The following CDK5RAP2 variants were observed in gnomAD, a reference collection of about 807,000 sequenced individuals.
CDK5RAP2 encodes the protein CDK5 regulatory subunit-associated protein 2.
Under a neutral mutation model 232.9 loss-of-function variants are expected in CDK5RAP2, and 147 were observed. The observed-to-expected ratio is 0.63, with a 90% CI of 0.55 to 0.72. The LOEUF (loss-of-function observed/expected upper bound fraction) is 0.72. Among genes scored for constraint, CDK5RAP2 ranks in the 30% least tolerant of loss-of-function variants. The pLI is 0.00. For missense variants in CDK5RAP2, 2,195 were observed against 2,231.5 expected, an observed-to-expected ratio of 0.98 and a Z score of 0.33; for synonymous variants, 833 against 833.7, an observed-to-expected ratio of 1.00 and a Z score of 0.01.
chr9:120,423,055 G>C (rs1005421405), intron 25 of CDK5RAP2, among the ~76,000 whole-genome samples: 1 of 152,148 alleles, frequency 6.6e-6, no homozygotes, highest in African/African-American at 2.4e-5. Context: ...TACAGAAAAT[G>C]GGTAACGGAA....
At chr9:120,533,156 T>C (rs1048882459) in intron 7 of CDK5RAP2, among the ~76,000 whole-genome samples, 2 of 152,068 alleles carry the variant, frequency 1.3e-5, no homozygotes, top group African/African-American at 2.4e-5. Context: ...CTCACCTCTA[T>C]CACGGCATCA....
chr9:120,570,182 T>TGGGCA (rs2042801221), intron 2 of CDK5RAP2, among the ~76,000 whole-genome samples: 1 of 151,838 alleles, frequency 6.6e-6, no homozygotes, highest in Admixed American at 6.6e-5. Flanking sequence ...GGCTAAGGAG[T>TGGGCA]GGGCAGGGCA....
At chr9:120,410,339 T>C (rs1244910636) in intron 29 of CDK5RAP2, among the ~76,000 whole-genome samples, 3 of 152,162 alleles carry the variant, frequency 2.0e-5, no homozygotes, top group Non-Finnish European at 2.9e-5. Context: ...CCCTGGGACT[T>C]TGTCTGCTCT....
At chr9:120,427,899 A>C (rs1179120139) in intron 25 of CDK5RAP2, among the ~76,000 whole-genome samples, 1 of 152,180 alleles carries the variant, frequency 6.6e-6, no homozygotes, top group African/African-American at 2.4e-5. Flanking sequence ...AAATTATAAC[A>C]AACTGTCTCT....
chr9:120,527,045 A>G (rs1225280367), intron 10 of CDK5RAP2, among the ~76,000 whole-genome samples: 1 of 151,892 alleles, frequency 6.6e-6, no homozygotes, highest in African/African-American at 2.4e-5. Context: ...ACTTCCCTCA[A>G]TCACAACCCT....
intron 35 of CDK5RAP2, among the ~76,000 whole-genome samples, chr9:120,395,763 A>G (rs1485034976): frequency 6.8e-6 from 1 of 146,076 alleles, no homozygotes; most frequent in African/African-American, 2.4e-5. Context: ...GTGTATTAAA[A>G]GAGAGAACTG....
At chr9:120,464,845 A>C (rs1264854009) in intron 18 of CDK5RAP2, among the ~76,000 whole-genome samples, 4 of 152,330 alleles carry the variant, frequency 2.6e-5, no homozygotes, top group African/African-American at 7.2e-5. Context: ...AAATCATGTA[A>C]ATCTCATAAT....
intron 25 of CDK5RAP2, among the ~76,000 whole-genome samples, chr9:120,436,234 T>C (rs183437140): frequency 6.6e-6 from 1 of 152,304 alleles, no homozygotes; most frequent in East Asian, 1.9e-4. Context: ...CAATCTAATC[T>C]AACCAATTTA....
rs1238984978 is a variant in CDK5RAP2, at chr9:120,530,112, T to C, written c.691A>G (p.Lys231Glu). 2 of 1,613,580 alleles carry C rather than the reference T, an allele frequency of 1.2e-6. No individual in the cohort carries two copies. Among genetic ancestry groups the C allele is most frequent in the Non-Finnish European group, 1.7e-6 (2 of 1,179,652 alleles). Residue 231 changes from lysine to glutamate, a missense_variant, in exon 8 of 38, where the codon AAG becomes GAG. Coordinates refer to ENST00000349780, the MANE Select transcript of CDK5RAP2 (RefSeq NM_018249.6). Reference sequence around the variant, plus strand: ...CACTGAATTAAAGCTTCTTTGCTCTTCAAAGACAGCTTCAACTCCTCAATC... The same window carrying C: ...CACTGAATTAAAGCTTCTTTGCTCTCCAAAGACAGCTTCAACTCCTCAATC... ...RLIEELKLSL[K>E]SKEALIQCLK...
At chr9:120,508,602 T>C (rs1463986443) in intron 12 of CDK5RAP2, among the ~76,000 whole-genome samples, 1 of 152,196 alleles carries the variant, frequency 6.6e-6, no homozygotes, top group Admixed American at 6.5e-5. Flanking sequence ...CCACTCACTG[T>C]TCCCCATGAG....
At chr9:120,551,273 T>G (rs1024507804) in intron 3 of CDK5RAP2, among the ~76,000 whole-genome samples, 2 of 152,196 alleles carry the variant, frequency 1.3e-5, no homozygotes, top group Non-Finnish European at 2.9e-5. Flanking sequence ...TTAAAACCTC[T>G]ACAGTAATGA....
In CDK5RAP2 at chr9:120,443,595, A is replaced by G. The variant is rs1371609813; in HGVS notation, c.3148+25T>C. The G allele has an allele frequency of 5.0e-6, 8 of 1,613,638 alleles. No homozygotes were observed. The East Asian group carries it at 6.7e-5, about 13-fold the overall frequency. ...GTGCCTGGCACATGGAAGCTGTTCA[A>G]TACACACAGGGGCTGAATTCTGACC... On this transcript the variant is annotated intron_variant, in intron 23 of 37. Coordinates refer to ENST00000349780, the MANE Select transcript of CDK5RAP2 (RefSeq NM_018249.6).
chr9:120,502,566 G>A (rs971128926), intron 12 of CDK5RAP2, among the ~76,000 whole-genome samples: 4 of 152,146 alleles, frequency 2.6e-5, no homozygotes, highest in African/African-American at 4.8e-5. Flanking sequence ...GGCTACTAAC[G>A]TGCCACATTT....
chr9:120,396,457 C>T (rs527575992), intron 35 of CDK5RAP2, among the ~76,000 whole-genome samples: 1 of 152,346 alleles, frequency 6.6e-6, no homozygotes, highest in Non-Finnish European at 1.5e-5. Flanking sequence ...ATGATCATTT[C>T]CAACTTGGCC....
chr9:120,447,088 GAATA>G (rs914968749), intron 22 of CDK5RAP2, among the ~76,000 whole-genome samples: 1 of 152,126 alleles, frequency 6.6e-6, no homozygotes, highest in Non-Finnish European at 1.5e-5. Flanking sequence ...CAGAAGAAAT[GAATA>G]AATAAATAAA....
chr9:120,447,605 A>G (rs1471408888), intron 22 of CDK5RAP2, among the ~76,000 whole-genome samples: 1 of 152,210 alleles, frequency 6.6e-6, no homozygotes, highest in African/African-American at 2.4e-5. Flanking sequence ...AGCCAAACAC[A>G]ACTGGGGCAT....
At chr9:120,397,547 AAAAAAAAAAAAAAAAAAAG>A (rs1409630234) in intron 35 of CDK5RAP2, among the ~76,000 whole-genome samples, 3 of 122,120 alleles carry the variant, frequency 2.5e-5, no homozygotes, top group Non-Finnish European at 4.9e-5. Flanking sequence ...ACATTCTTAA[AAAAAAAAAAAAAAAAAAAG>A]AAAAAAGAAA....
At chr9:120,460,477 G>T in intron 19 of CDK5RAP2, 95 bp downstream of exon 19, 1 of 1,132,826 alleles carries the variant, frequency 8.8e-7, no homozygotes, top group Non-Finnish European at 1.3e-6. Context: ...TAGGCAGAAT[G>T]AACAGAAAAC....
intron 35 of CDK5RAP2, among the ~76,000 whole-genome samples, chr9:120,399,150 A>G (rs1157167452): frequency 2.0e-5 from 3 of 151,884 alleles, no homozygotes; most frequent in Non-Finnish European, 2.9e-5. Context: ...AGCACCAACC[A>G]CTCCTGGAAT....
Sources: gnomAD v4.1 joint callset for allele counts (sites outside exome capture counted in the v4.1 genomes callset) on GRCh38, gnomAD v4.1.1 for gene constraint, MANE v1.5 for transcripts, NCBI Gene and HGNC (gene_info 2026-07-23, HGNC 2026-07-21) for gene names.